FANCA: variants seen among roughly 807,000 people sequenced by gnomAD.
FANCA encodes Fanconi anemia group A protein.
FANCA carries 236 observed loss-of-function variants against 194.3 expected under a neutral mutation model. The observed-to-expected ratio is 1.21, with a 90% CI of 1.09 to 1.35. FANCA has a LOEUF of 1.35. Among genes scored for constraint, FANCA ranks in the 40% most tolerant of loss-of-function variants. The pLI is 0.00. For synonymous variants in FANCA, 1,014 were observed against 715.8 expected (o/e 1.42, Z -6.65); for missense variants, 2,628 against 1,813.9 (o/e 1.45, Z -8.15).
chr16:89,783,011 A>C lies in FANCA; in HGVS notation c.1562T>G (p.Leu521Arg). The C allele has an allele frequency of 6.2e-7, 1 of 1,613,970 alleles. No homozygotes were observed. The part of the protein sequence containing the change: ...ISLAKTRLAD[L>R]KVSIENMGLY... ...GGGCATGGAGGGACAGCTTGCCTTG[A>C]GGTCGGCCAGCCGTGTCTTGGCCAA... The change falls in exon 16 of 43, where the codon CTC (leucine) becomes CGC (arginine). Residue 521 changes from leucine (L) to arginine (R), a missense_variant. Coordinates refer to ENST00000389301, the MANE Select transcript of FANCA (RefSeq NM_000135.4).
In FANCA at chr16:89,781,547, G is replaced by C. The variant is rs1395562466; in HGVS notation, c.1626+1312C>G. On this transcript the variant is annotated intron_variant, in intron 17 of 42. Coordinates refer to ENST00000389301, the MANE Select transcript of FANCA (RefSeq NM_000135.4). ...AAAAATTAGCTGGGTGTGGTGGCAG[G>C]TGCCTGTAGTCTGAGCTACTGGAGA... is the stretch of plus-strand genomic sequence containing the variant. Among the ~76,000 whole-genome samples the C allele has an allele frequency of 4.0e-5, 6 of 150,084 alleles. 1 individual carries two copies. The highest frequency in any genetic ancestry group is 7.4e-5 in the Non-Finnish European group (5 of 67,672).
chr16:89,766,373 CT>C (rs977477090), intron 27 of FANCA, among the ~76,000 whole-genome samples: 9 of 152,030 alleles, frequency 5.9e-5, no homozygotes, highest in African/African-American at 1.9e-4. Flanking sequence ...GCCATTTCAC[CT>C]TTACTTTTGA....
chr16:89,812,403 T>G (rs925264555), intron 3 of FANCA, among the ~76,000 whole-genome samples: 15 of 151,502 alleles, frequency 9.9e-5, no homozygotes, highest in Admixed American at 7.9e-4. Context: ...TCCCAGCACT[T>G]TGGGAGGCCG....
chr16:89,801,669 C>G (rs2040458777), intron 8 of FANCA, among the ~76,000 whole-genome samples: 1 of 152,124 alleles, frequency 6.6e-6, no homozygotes, highest in Non-Finnish European at 1.5e-5. Flanking sequence ...GCAGGCAGAT[C>G]ATGAGGTCAA....
intron 14 of FANCA, among the ~76,000 whole-genome samples, chr16:89,788,650 A>C (rs1186265876): frequency 6.6e-6 from 1 of 152,100 alleles, no homozygotes; most frequent in African/African-American, 2.4e-5. Context: ...ATTTTTTTTA[A>C]TTAGCTGGGT....
chr16:89,776,842 T>C (rs1242741492), intron 20 of FANCA, among the ~76,000 whole-genome samples: 1 of 150,946 alleles, frequency 6.6e-6, no homozygotes, highest in Non-Finnish European at 1.5e-5. Flanking sequence ...AAAAATAAAT[T>C]AAAGAAAAAA....
In FANCA at chr16:89,738,876, C is replaced by G. The variant is rs374793201; in HGVS notation, c.4260+6G>C. 7.1e-5 allele frequency: 114 copies of G among 1,614,126 alleles called. No homozygotes were observed. The highest frequency in any genetic ancestry group is 9.5e-5 in the Non-Finnish European group (112 of 1,180,050). On this transcript the variant is annotated splice_donor_region_variant and intron_variant, in intron 42 of 42. Transcript: ENST00000389301. ...ACATGGCCCAAGGTGGGCATCTTGA[C>G]GTTACCTCTGCCACGTGTGAGAAGC... is the stretch of plus-strand genomic sequence containing the variant.
At chr16:89,808,204 T>C (rs1422812479) in intron 6 of FANCA, 90 bp downstream of exon 6, 13 of 1,269,532 alleles carry the variant, frequency 1.0e-5, no homozygotes, top group Non-Finnish European at 1.3e-5. Context: ...AAGCCAGAAA[T>C]CAAACCCGTC....
intron 35 of FANCA, 151 bp downstream of exon 35, chr16:89,746,433 G>A (rs917362040): frequency 4.2e-6 from 3 of 709,440 alleles, no homozygotes; most frequent in Non-Finnish European, 7.6e-6. Context: ...CTATGAGCTG[G>A]CATCTTTAAC....
At chr16:89,812,775 C>T (rs1326074221) in intron 3 of FANCA, among the ~76,000 whole-genome samples, 3 of 151,928 alleles carry the variant, frequency 2.0e-5, no homozygotes, top group African/African-American at 7.2e-5. Context: ...TGGCTCATGC[C>T]TGTAATCCCA....
chr16:89,785,797 A>G (rs1386112169), intron 14 of FANCA, among the ~76,000 whole-genome samples: 1 of 151,656 alleles, frequency 6.6e-6, no homozygotes, highest in Non-Finnish European at 1.5e-5. Context: ...AGGAAACCTG[A>G]ACTCCAACGT....
intron 28 of FANCA, chr16:89,762,843 C>G (rs1264238086): frequency 2.4e-6 from 1 of 418,392 alleles, no homozygotes; most frequent in Admixed American, 2.5e-5. Flanking sequence ...TGGCTCATGC[C>G]TGTAATCCCA....
chr16:89,792,597 G>A (rs1323463133), intron 11 of FANCA, 50 bp from the exon 12 acceptor site: 2 of 1,536,246 alleles, frequency 1.3e-6, no homozygotes, highest in Non-Finnish European at 1.8e-6. Context: ...TCAAAAAGTT[G>A]TGGGTTTTTG....
intron 3 of FANCA, among the ~76,000 whole-genome samples, chr16:89,813,025 T>C (rs943675138): frequency 8.3e-6 from 1 of 120,472 alleles, no homozygotes; most frequent in Non-Finnish European, 1.7e-5. Flanking sequence ...AGAGCAACAC[T>C]TCGTCTCAAA....
rs759343346 is a variant in FANCA at position 89,738,647 on chromosome 16, T to G, written c.4322A>C (p.Gln1441Pro). The G allele has an allele frequency of 3.1e-6, 5 of 1,612,992 alleles. No individual in the cohort carries two copies. The African/African-American group carries it at 5.3e-5, about 17-fold the overall frequency. The change falls in exon 43 of 43, where the codon CAG (glutamine) becomes CCG (proline). Residue 1441 changes from glutamine to proline, a missense_variant. By Grantham distance (76) the Gln-to-Pro change is moderately conservative. Coordinates refer to ENST00000389301, the MANE Select transcript of FANCA (RefSeq NM_000135.4). ...GGACAGGTCAGCGTCAGGGGCAGCCTGCTGTCTGCTCTGGAGGGCGGCGCT... is the reference window on the plus strand; with the variant it reads ...GGACAGGTCAGCGTCAGGGGCAGCCGGCTGTCTGCTCTGGAGGGCGGCGCT... ...EVSAALQSRQ[Q>P]AAPDADLSQE...
At chr16:89,788,595 G>C (rs1208036120) in intron 14 of FANCA, among the ~76,000 whole-genome samples, 1 of 152,182 alleles carries the variant, frequency 6.6e-6, no homozygotes, top group East Asian at 1.9e-4. Flanking sequence ...CCAGGAATCT[G>C]AGACCAGCCT....
At chr16:89,755,169 T>C (rs1171114170) in intron 30 of FANCA, among the ~76,000 whole-genome samples, 2 of 151,838 alleles carry the variant, frequency 1.3e-5, no homozygotes, top group African/African-American at 2.4e-5. Context: ...GACAACTGCA[T>C]GGCCACAAGC....
rs1227314481 is a variant in FANCA at position 89,748,723 on chromosome 16, A to C, written c.3284T>G (p.Phe1095Cys). ...GGCAGTGATGGGCTGTTCTGCCTGG[A>C]AGCTGCTGCCGCAGAGGACAGACGA... Reference protein sequence around the residue: ...LPSSVLCGSSFQAEQPITARC... With the variant: ...LPSSVLCGSSCQAEQPITARC... The change falls in exon 33 of 43, where the codon TTC (phenylalanine) becomes TGC (cysteine). Residue 1095 changes from phenylalanine to cysteine, a missense_variant. By Grantham distance (205) the Phe-to-Cys change is radical. Transcript: ENST00000389301. The C allele has an allele frequency of 5.6e-6, 9 of 1,614,030 alleles. No homozygotes were observed. Among genetic ancestry groups the C allele is most frequent in the Non-Finnish European group, 7.6e-6 (9 of 1,180,048 alleles).
intron 8 of FANCA, among the ~76,000 whole-genome samples, chr16:89,801,216 C>G (rs1270858662): frequency 1.4e-5 from 2 of 147,120 alleles, no homozygotes; most frequent in Non-Finnish European, 3.0e-5. Flanking sequence ...TGGTGGTGGG[C>G]GCCTGTAGTC....
Sources: gnomAD v4.1 joint callset for allele counts (sites outside exome capture counted in the v4.1 genomes callset) on GRCh38, gnomAD v4.1.1 for gene constraint, MANE v1.5 for transcripts, NCBI Gene and HGNC (gene_info 2026-07-23, HGNC 2026-07-21) for gene names.